The following FAM114A1 variants were observed in gnomAD, a reference collection of about 807,000 sequenced individuals.
The protein encoded by FAM114A1 is protein NOXP20.
In FAM114A1, 62 loss-of-function variants were observed where a neutral mutation model predicts 64.3. The ratio of observed to expected loss-of-function variants is 0.96; its 90% confidence interval spans 0.79 to 1.19. The LOEUF is 1.19. FAM114A1 is among the 50% of genes most tolerant of loss of function. The pLI is 0.00. For synonymous variants in FAM114A1, 254 were observed against 251.1 expected (o/e 1.01, Z -0.11); for missense variants, 645 against 676.3 (o/e 0.95, Z 0.51).
At chr4:38,934,310 TC>T (rs1446204104) in intron 12 of FAM114A1, among the ~76,000 whole-genome samples, 4 of 152,100 alleles carry the variant, frequency 2.6e-5, no homozygotes, top group Non-Finnish European at 5.9e-5. Flanking sequence ...AATAAGTGCC[TC>T]CCCACCCACC....
In FAM114A1 at chr4:38,945,025, C is replaced by A. The variant is rs1257951914; in HGVS notation, c.*1468C>A. 6.6e-6 allele frequency: 1 copy of A among 152,046 alleles called. No individual in the cohort carries two copies. The highest frequency in any genetic ancestry group is 2.4e-5 in the African/African-American group (1 of 41,370). 9.4% of individuals were successfully genotyped at this position (152,046 alleles called of 1,614,324 possible). On this transcript the variant is annotated 3_prime_UTR_variant, in exon 15 of 15. Coordinates refer to ENST00000358869, the MANE Select transcript of FAM114A1 (RefSeq NM_138389.4). ...CTATACTCTTTACACTATTTTATCCCAAACTATGTATATGAGGTGAAAATA... is the reference window on the plus strand; with the variant it reads ...CTATACTCTTTACACTATTTTATCCAAAACTATGTATATGAGGTGAAAATA...
chr4:38,914,886 T>G lies in FAM114A1; in HGVS notation c.793-35T>G, dbSNP rs370743217. 103 of 1,599,402 alleles carry G rather than the reference T, an allele frequency of 6.4e-5. No homozygotes were observed. In the African/African-American group the frequency reaches 9.6e-4, roughly 15 times the overall value. ...ACACAGGAAACGGTGCTTTTAAATG[T>G]ACATCCAGAGTACAAACATTGTGTA... On this transcript the variant is annotated intron_variant, in intron 7 of 14. Transcript: ENST00000358869.
intron 2 of FAM114A1, among the ~76,000 whole-genome samples, chr4:38,871,905 C>T (rs1171489069): frequency 6.6e-6 from 1 of 152,198 alleles, no homozygotes; most frequent in Non-Finnish European, 1.5e-5. Context: ...AGCTTCTAGT[C>T]ACCTTCAGGC....
chr4:38,876,173 T>TC (rs1358805302), intron 2 of FAM114A1, among the ~76,000 whole-genome samples: 12 of 145,904 alleles, frequency 8.2e-5, no homozygotes, highest in African/African-American at 2.8e-4. Flanking sequence ...TTTTTTCTTT[T>TC]TTTTTTTTTT....
intron 8 of FAM114A1, among the ~76,000 whole-genome samples, chr4:38,919,185 T>A (rs1719351241): frequency 6.6e-6 from 1 of 151,998 alleles, no homozygotes; most frequent in Non-Finnish European, 1.5e-5. Context: ...GTAAAGAACT[T>A]TAGAAACAAA....
intron 9 of FAM114A1, among the ~76,000 whole-genome samples, chr4:38,927,956 A>C (rs1007487791): frequency 6.6e-6 from 1 of 152,228 alleles, no homozygotes; most frequent in Non-Finnish European, 1.5e-5. Flanking sequence ...TGCTGGGATT[A>C]CAGGCGTGAG....
At chr4:38,906,630 A>G (rs1240186502) in intron 6 of FAM114A1, among the ~76,000 whole-genome samples, 1 of 151,970 alleles carries the variant, frequency 6.6e-6, no homozygotes, top group Admixed American at 6.6e-5. Flanking sequence ...CGCATCCCTG[A>G]TTCAAGTGAT....
At chr4:38,935,071 C>T (rs996001904) in intron 12 of FAM114A1, among the ~76,000 whole-genome samples, 1 of 152,038 alleles carries the variant, frequency 6.6e-6, no homozygotes, top group Non-Finnish European at 1.5e-5. Context: ...CCTGCCACCA[C>T]GCCCAGCTAA....
intron 4 of FAM114A1, 78 bp downstream of exon 4, chr4:38,891,908 C>A: frequency 7.7e-7 from 1 of 1,299,768 alleles, no homozygotes; most frequent in Non-Finnish European, 1.0e-6. Flanking sequence ...GTACTGTATA[C>A]TAATAGAGTT....
intron 4 of FAM114A1, among the ~76,000 whole-genome samples, chr4:38,899,746 C>T (rs888151787): frequency 6.6e-6 from 1 of 152,148 alleles, no homozygotes; most frequent in Non-Finnish European, 1.5e-5. Flanking sequence ...AATGTACCCA[C>T]ATTTTTCATT....
chr4:38,889,868 T>C (rs1716156725), intron 3 of FAM114A1, among the ~76,000 whole-genome samples: 1 of 152,166 alleles, frequency 6.6e-6, no homozygotes, highest in Admixed American at 6.5e-5. Context: ...CTACTTATGT[T>C]GGTTTAGTAG....
In FAM114A1 at chr4:38,908,577, T is replaced by A; in HGVS notation, c.658-15T>A. ...AACCTAAACATCTAATCTCATGCAGTTATCTCATCTGCAGGGTAAAAGTGT... is the reference window on the plus strand; with the variant it reads ...AACCTAAACATCTAATCTCATGCAGATATCTCATCTGCAGGGTAAAAGTGT... On this transcript the variant is annotated splice_polypyrimidine_tract_variant and intron_variant, in intron 6 of 14. Transcript: ENST00000358869. The A allele has an allele frequency of 6.3e-7, 1 of 1,592,314 alleles. No homozygotes were observed.
intron 10 of FAM114A1, among the ~76,000 whole-genome samples, chr4:38,930,536 G>C (rs1248127970): frequency 6.6e-6 from 1 of 152,048 alleles, no homozygotes; most frequent in African/African-American, 2.4e-5. Context: ...ATTTGCTTAG[G>C]GTTAAATCTT....
At chr4:38,913,096 C>T (rs1180706847) in intron 7 of FAM114A1, among the ~76,000 whole-genome samples, 1 of 152,214 alleles carries the variant, frequency 6.6e-6, no homozygotes, top group Admixed American at 6.5e-5. Flanking sequence ...GTCTATTCTT[C>T]AGTTGTCTTC....
At chr4:38,910,698 T>G (rs1718452076) in intron 7 of FAM114A1, among the ~76,000 whole-genome samples, 1 of 152,116 alleles carries the variant, frequency 6.6e-6, no homozygotes, top group African/African-American at 2.4e-5. Context: ...ATGAGAGCAT[T>G]GGCCATGCAG....
intron 4 of FAM114A1, among the ~76,000 whole-genome samples, chr4:38,896,882 A>G (rs987476202): frequency 6.6e-6 from 1 of 152,242 alleles, no homozygotes; most frequent in East Asian, 1.9e-4. Flanking sequence ...ATTGCAATTG[A>G]TGTCTACTCA....
chr4:38,903,863 T>C lies in FAM114A1; in HGVS notation c.437-1659T>C, dbSNP rs144873327. ...TTACATTTCAGGGTTTTCTAGGTAG[T>C]GTATAAGGACAGGTGATTTCCATTG... On this transcript the variant is annotated intron_variant, in intron 4 of 14. Transcript: ENST00000358869. Among the ~76,000 whole-genome samples, 490 of 152,330 alleles carry C rather than the reference T, an allele frequency of 3.2e-3. 5 individuals carry two copies. The highest frequency in any genetic ancestry group is 0.011 in the African/African-American group (462 of 41,570).
intron 7 of FAM114A1, among the ~76,000 whole-genome samples, chr4:38,910,484 C>G (rs1052822635): frequency 2.0e-5 from 3 of 152,134 alleles, no homozygotes; most frequent in Non-Finnish European, 4.4e-5. Context: ...TGCCTTACTT[C>G]CAGCCTCACA....
chr4:38,937,602 C>T lies in FAM114A1; in HGVS notation c.1536+1812C>T, dbSNP rs116111179. ...GTTAGGACTTCAATATGTCTTTTTG[C>T]AGGGTACACAATTCAAACCATACCA... On this transcript the variant is annotated intron_variant, in intron 13 of 14. Coordinates refer to ENST00000358869, the MANE Select transcript of FAM114A1 (RefSeq NM_138389.4). Among the ~76,000 whole-genome samples, 658 of 152,226 alleles carry T rather than the reference C, an allele frequency of 4.3e-3. 4 individuals are homozygous for T. The highest frequency in any genetic ancestry group is 0.015 in the African/African-American group (641 of 41,546).
Sources: allele counts gnomAD v4.1 joint callset (sites outside exome capture counted in the v4.1 genomes callset), GRCh38; gene constraint gnomAD v4.1.1; transcripts MANE v1.5; gene names NCBI Gene and HGNC (gene_info 2026-07-23, HGNC 2026-07-21).